The following PRKAG2 variants were observed in gnomAD, a reference collection of about 807,000 sequenced individuals.
The protein encoded by PRKAG2 is protein kinase AMP-activated non-catalytic subunit gamma 2.
A neutral mutation model predicts 69.6 loss-of-function variants in PRKAG2; 26 were observed. The observed-to-expected ratio is 0.37, with a 90% CI of 0.27 to 0.52. The LOEUF (loss-of-function observed/expected upper bound fraction) is 0.52, where lower values mean the gene tolerates loss of function less well. PRKAG2 is among the 20% of genes least tolerant of loss of function. The pLI is 0.90. For synonymous variants in PRKAG2, 293 were observed against 285.0 expected, an observed-to-expected ratio of 1.03 and a Z score of -0.28; for missense variants, 557 against 740.0, an observed-to-expected ratio of 0.75 and a Z score of 2.87.
At chr7:151,687,165 A>G (rs1238956494) in intron 3 of PRKAG2, among the ~76,000 whole-genome samples, 1 of 152,176 alleles carries the variant, frequency 6.6e-6, no homozygotes, top group Non-Finnish European at 1.5e-5. Context: ...ATCTGTCCCA[A>G]CTCTGACAAT....
chr7:151,715,908 C>T (rs1177895804), intron 3 of PRKAG2, among the ~76,000 whole-genome samples: 2 of 152,146 alleles, frequency 1.3e-5, no homozygotes, highest in African/African-American at 2.4e-5. Flanking sequence ...TCCCATCTCA[C>T]GGCATCTTAG....
chr7:151,773,038 AG>A (rs2076126940), intron 3 of PRKAG2, among the ~76,000 whole-genome samples: 2 of 32,362 alleles, frequency 6.2e-5, no homozygotes, highest in Middle Eastern at 0.014. Context: ...AGAGAGAGAG[AG>A]AGAGAGAGAG....
intron 1 of PRKAG2, among the ~76,000 whole-genome samples, chr7:151,847,352 GA>G (rs545333994): frequency 0.011 from 1,739 of 152,254 alleles, 23 homozygotes; most frequent in African/African-American, 0.039. Context: ...GGGGCGACAG[GA>G]GCCTACTGAG....
chr7:151,817,428 A>G (rs1396115786), intron 1 of PRKAG2, among the ~76,000 whole-genome samples: 2 of 152,198 alleles, frequency 1.3e-5, no homozygotes, highest in African/African-American at 4.8e-5. Flanking sequence ...AACCTTCACT[A>G]GCTCCATGCC....
chr7:151,565,465 T>G (rs1806030189), intron 12 of PRKAG2, 82 bp from the exon 13 acceptor site: 1 of 1,084,080 alleles, frequency 9.2e-7, no homozygotes, highest in Non-Finnish European at 1.3e-6. Context: ...ATGACATAAT[T>G]ACTAAAAGTT....
chr7:151,591,207 G>GAT (rs1554477375), intron 6 of PRKAG2, among the ~76,000 whole-genome samples: 1 of 152,100 alleles, frequency 6.6e-6, no homozygotes, highest in Non-Finnish European at 1.5e-5. Context: ...CCCCTGCCTG[G>GAT]ACACATACTC....
intron 3 of PRKAG2, among the ~76,000 whole-genome samples, chr7:151,687,853 C>T (rs367785395): frequency 1.2e-4 from 18 of 152,228 alleles, no homozygotes; most frequent in Non-Finnish European, 1.8e-4. Context: ...TCGCACCAGG[C>T]GAGGTGGGTG....
chr7:151,682,273 C>T (rs1329164819), intron 3 of PRKAG2, among the ~76,000 whole-genome samples: 4 of 152,170 alleles, frequency 2.6e-5, no homozygotes, highest in Admixed American at 6.5e-5. Context: ...CAAGGTCTCA[C>T]TCTGTGGCCC....
intron 5 of PRKAG2, among the ~76,000 whole-genome samples, chr7:151,623,916 GGGA>G (rs1822169355): frequency 6.6e-6 from 1 of 152,110 alleles, no homozygotes; most frequent in Admixed American, 6.6e-5. Flanking sequence ...GTGTGTACTG[GGGA>G]GGAGGTCTTG....
intron 2 of PRKAG2, among the ~76,000 whole-genome samples, chr7:151,784,229 G>A (rs1469013894): frequency 6.6e-6 from 1 of 152,178 alleles, no homozygotes; most frequent in Non-Finnish European, 1.5e-5. Flanking sequence ...CGGAGGGAGG[G>A]GTGGGATTTT....
chr7:151,626,538 C>T (rs1339891189), intron 5 of PRKAG2, among the ~76,000 whole-genome samples: 1 of 152,134 alleles, frequency 6.6e-6, no homozygotes, highest in African/African-American at 2.4e-5. Context: ...GATAATCACC[C>T]GAGCCTTCTC....
intron 3 of PRKAG2, among the ~76,000 whole-genome samples, chr7:151,720,940 A>T (rs1362428425): frequency 7.9e-6 from 1 of 126,818 alleles, no homozygotes; most frequent in Non-Finnish European, 1.6e-5. Flanking sequence ...AGAGGGATGG[A>T]GCGGGGTAAT....
At chr7:151,658,710 T>C (rs1239263083) in intron 4 of PRKAG2, among the ~76,000 whole-genome samples, 1 of 152,180 alleles carries the variant, frequency 6.6e-6, no homozygotes, top group Non-Finnish European at 1.5e-5. Context: ...AAGAACATGT[T>C]ATAAGATGAT....
chr7:151,724,666 C>T (rs1797639530), intron 3 of PRKAG2, among the ~76,000 whole-genome samples: 1 of 151,774 alleles, frequency 6.6e-6, no homozygotes. Context: ...GGACCCTGTG[C>T]TCTCGGACCC....
intron 1 of PRKAG2, among the ~76,000 whole-genome samples, chr7:151,859,691 G>A (rs1373024924): frequency 6.6e-6 from 1 of 152,224 alleles, no homozygotes; most frequent in Admixed American, 6.5e-5. Context: ...CAGAAGCTGA[G>A]TGGCCTTGGA....
chr7:151,703,244 A>G (rs1441479698), intron 3 of PRKAG2, among the ~76,000 whole-genome samples: 2 of 152,186 alleles, frequency 1.3e-5, no homozygotes, highest in East Asian at 1.9e-4. Context: ...AGTGAATGGC[A>G]CCCTGCAAAG....
rs1198728137 is a variant in PRKAG2, at chr7:151,729,064, ACTTGT to A, written c.466+52083_466+52087del. Among the ~76,000 whole-genome samples the A allele has an allele frequency of 3.3e-5, 5 of 151,204 alleles. No homozygotes were observed. The Admixed American group carries it at 3.3e-4, about 10-fold the overall frequency. On this transcript the variant is annotated intron_variant, in intron 3 of 15. Transcript: ENST00000287878. ...GCAGCACCTCTGGGAGAGCTGGGCC[ACTTGT>A]CCAGGGTTCCACCAGGCAGCGCTTG...
intron 5 of PRKAG2, among the ~76,000 whole-genome samples, chr7:151,629,295 G>A (rs560988582): frequency 6.6e-6 from 1 of 152,192 alleles, no homozygotes; most frequent in African/African-American, 2.4e-5. Flanking sequence ...CCGGCAGCAG[G>A]AGCGGCCCCT....
intron 7 of PRKAG2, 129 bp from the exon 8 acceptor site, chr7:151,575,078 TTAATA>T (rs1243780441): frequency 7.6e-7 from 1 of 1,309,292 alleles, no homozygotes; most frequent in Non-Finnish European, 1.0e-6. Flanking sequence ...CAAGCAGAGT[TTAATA>T]TATTATTTAA....
Sources: allele counts gnomAD v4.1 joint callset (sites outside exome capture counted in the v4.1 genomes callset), GRCh38; gene constraint gnomAD v4.1.1; transcripts MANE v1.5; gene names NCBI Gene and HGNC (gene_info 2026-07-23, HGNC 2026-07-21).